The following RINL variants were observed in gnomAD, a reference collection of about 807,000 sequenced individuals.
The protein encoded by RINL is ras and Rab interactor-like protein.
A neutral mutation model predicts 58.1 loss-of-function variants in RINL; 39 were observed. The observed-to-expected ratio is 0.67, with a 90% confidence interval of 0.52 to 0.88. RINL has a LOEUF of 0.88. Among genes scored for constraint, RINL ranks in the 40% least tolerant of loss-of-function variants. RINL has a pLI of 0.00. For synonymous variants in RINL, 286 were observed against 323.1 expected, an observed-to-expected ratio of 0.89 and a Z score of 1.23; for missense variants, 711 against 749.2, an observed-to-expected ratio of 0.95 and a Z score of 0.60.
Position 38,869,968 on chromosome 19 carries a change from C to T in RINL, c.1317G>A (p.Ala439=), listed in dbSNP as rs1032794274. ...CTTGGTTCTCGCCTCGAGCCAGGCCCGCATAGACATCTCTGCACACCTCCA... is the reference window on the plus strand; with the variant it reads ...CTTGGTTCTCGCCTCGAGCCAGGCCTGCATAGACATCTCTGCACACCTCCA... ...LLLEVCRDVY[A]GLARGENQDP... The change falls in exon 9 of 12, where the codon GCG becomes GCA. Residue 439 remains alanine (A), a synonymous_variant. Coordinates refer to ENST00000591812, the MANE Select transcript of RINL (RefSeq NM_001195833.2). The surrounding 1 kb of genome is among the most constrained non-coding windows in gnomAD (Gnocchi z 5.7). 4 of 1,599,976 alleles carry T rather than the reference C, an allele frequency of 2.5e-6. No individual in the cohort carries two copies. In the African/African-American group the frequency reaches 4.0e-5, roughly 16 times the overall value.
At chr19:38,874,173 C>T (rs1972870952) in intron 3 of RINL, among the ~76,000 whole-genome samples, 185 bp from the exon 4 acceptor site, 1 of 152,206 alleles carries the variant, frequency 6.6e-6, no homozygotes, top group Non-Finnish European at 1.5e-5. Flanking sequence ...CGGGGTGGGC[C>T]CATGACCTGA....
At chr19:38,876,276 C>T in intron 3 of RINL, 55 bp downstream of exon 3, 1 of 1,483,044 alleles carries the variant, frequency 6.7e-7, no homozygotes, top group Non-Finnish European at 9.0e-7. Flanking sequence ...TCACTAGTAA[C>T]CAGCAGAGTC....
chr19:38,870,314 AC>A lies in RINL; in HGVS notation c.1025-55del. On this transcript the variant is annotated intron_variant, in intron 8 of 11. Transcript: ENST00000591812. This position sits in a 1 kb window ranked among gnomAD's most constrained non-coding sequence, Gnocchi z 5.8. ...AGGACCGCCAAGTTGTCCCACGCCC[AC>A]CCACGCGCTCCAACAACCCACCCTG... 2 of 1,323,324 alleles carry A rather than the reference AC, an allele frequency of 1.5e-6. No individual in the cohort carries two copies. The highest frequency in any genetic ancestry group is 2.0e-6 in the Non-Finnish European group (2 of 1,017,292). 82.0% of individuals were successfully genotyped at this position (1,323,324 alleles called of 1,614,324 possible).
At position 38,871,881 on chromosome 19, in the gene RINL, G is replaced by A. The variant is rs779972133; in HGVS notation, c.314-11C>T. The A allele has an allele frequency of 1.2e-6, 2 of 1,611,506 alleles. No homozygotes were observed. Among genetic ancestry groups the A allele is most frequent in the South Asian group, 1.1e-5 (1 of 90,982 alleles). On this transcript the variant is annotated splice_polypyrimidine_tract_variant and intron_variant, in intron 4 of 11. Transcript: ENST00000591812. ...ATTCCAGGGACACACCTGTGGTGGG[G>A]GGAGGAAGAAGGAGAAAGTAAACTT...
rs551555322 is a variant in RINL at position 38,876,417 on chromosome 19, G to A, written c.124C>T (p.Arg42Cys). ...GVLSTLEPLT[R>C]LQRTWGVWHV... Reference sequence around the variant, plus strand: ...CACACCCCCCATGTCCTCTGCAGGCGAGTAAGTGGCTCTAGGGTGCTGAGG... The same window carrying A: ...CACACCCCCCATGTCCTCTGCAGGCAAGTAAGTGGCTCTAGGGTGCTGAGG... Residue 42 changes from arginine (R) to cysteine (C), a missense_variant, in exon 3 of 12, where the codon CGC becomes TGC. Coordinates refer to ENST00000591812, the MANE Select transcript of RINL (RefSeq NM_001195833.2). The A allele has an allele frequency of 7.8e-6, 12 of 1,536,108 alleles. No individual in the cohort carries two copies. Among genetic ancestry groups the A allele is most frequent in the Middle Eastern group, 1.7e-4 (1 of 5,990 alleles).
chr19:38,869,849 C>A lies in RINL; in HGVS notation c.1342+94G>T. 1 of 1,520,022 alleles carries A rather than the reference C, an allele frequency of 6.6e-7. No individual in the cohort carries two copies. The highest frequency in any genetic ancestry group is 8.9e-7 in the Non-Finnish European group (1 of 1,129,392). 94.2% of individuals were successfully genotyped at this position (1,520,022 alleles called of 1,614,324 possible). A position where few individuals can be genotyped will look rare whatever the true frequency, so the allele number is the denominator to read the frequency against. ...GCGCCTCCTACCAGAATCTTCAGGA[C>A]CGCATAGATTCCTCCCACCAGTGCT... On this transcript the variant is annotated intron_variant, in intron 9 of 11. Transcript: ENST00000591812. The surrounding 1 kb of genome is among the most constrained non-coding windows in gnomAD (Gnocchi z 5.7).
chr19:38,869,799 C>T lies in RINL; in HGVS notation c.1343-95G>A. ...TCCCCAGGACCACGAGGGCTGGCTG[C>T]CCCTCCACCTTGTCGGGCATGACAG... On this transcript the variant is annotated intron_variant, in intron 9 of 11. Transcript: ENST00000591812. The surrounding 1 kb of genome is among the most constrained non-coding windows in gnomAD (Gnocchi z 5.7). The T allele has an allele frequency of 1.9e-6, 3 of 1,568,542 alleles. No individual in the cohort carries two copies. Among genetic ancestry groups the T allele is most frequent in the Non-Finnish European group, 2.6e-6 (3 of 1,152,430 alleles).
chr19:38,873,082 A>G (rs1404587978), intron 4 of RINL, among the ~76,000 whole-genome samples: 1 of 151,906 alleles, frequency 6.6e-6, no homozygotes, highest in East Asian at 1.9e-4. Context: ...AAAAAGAAAA[A>G]GAAAGTGACC....
chr19:38,871,301 G>T, intron 6 of RINL, 74 bp from the exon 7 acceptor site: 1 of 1,530,140 alleles, frequency 6.5e-7, no homozygotes, highest in Non-Finnish European at 9.0e-7. Flanking sequence ...GGCGCCAGGA[G>T]ACTTACTTCC....
chr19:38,869,818 A>G lies in RINL; in HGVS notation c.1343-114T>C. 1 of 1,547,634 alleles carries G rather than the reference A, an allele frequency of 6.5e-7. No homozygotes were observed. The highest frequency in any genetic ancestry group is 8.8e-7 in the Non-Finnish European group (1 of 1,142,164). On this transcript the variant is annotated intron_variant, in intron 9 of 11. Transcript: ENST00000591812. This position sits in a 1 kb window ranked among gnomAD's most constrained non-coding sequence, Gnocchi z 5.7. ...TGGCTGCCCCTCCACCTTGTCGGGC[A>G]TGACAGCGCCTCCTACCAGAATCTT...
chr19:38,876,787 A>T lies in RINL; in HGVS notation c.-39-6T>A. On this transcript the variant is annotated splice_polypyrimidine_tract_variant and splice_region_variant and intron_variant, in intron 1 of 11. Transcript: ENST00000591812. Reference sequence around the variant, plus strand: ...AGTGAGTCATGACCTGGCCTCTGGCAGGGAGAAAGGTAAGACTCAAAGCTG... The same window carrying T: ...AGTGAGTCATGACCTGGCCTCTGGCTGGGAGAAAGGTAAGACTCAAAGCTG... 1 of 1,490,114 alleles carries T rather than the reference A, an allele frequency of 6.7e-7. No individual in the cohort carries two copies. The highest frequency in any genetic ancestry group is 1.2e-5 in the South Asian group (1 of 83,078). 92.3% of individuals were successfully genotyped at this position (1,490,114 alleles called of 1,614,324 possible). A position where few individuals can be genotyped will look rare whatever the true frequency, so the allele number is the denominator to read the frequency against.
chr19:38,871,664 G>A lies in RINL; in HGVS notation c.434C>T (p.Pro145Leu). The A allele has an allele frequency of 6.2e-7, 1 of 1,614,012 alleles. No individual in the cohort carries two copies. Among genetic ancestry groups the A allele is most frequent in the South Asian group, 1.1e-5 (1 of 91,080 alleles). ...TGCCTCACCTGTGTGTTCATCTCTG[G>A]GCCCTAGAGTGGGAGGGGGCAAGAG... ...TLLLPPPTLG[P>L]RDEHTDPVQI... The change falls in exon 6 of 12, where the codon CCC (proline) becomes CTC (leucine). Residue 145 changes from proline to leucine, a missense_variant. Coordinates refer to ENST00000591812, the MANE Select transcript of RINL (RefSeq NM_001195833.2).
At position 38,873,133 on chromosome 19, in the gene RINL, A is replaced by G. The variant is rs1485488012; in HGVS notation, c.313+753T>C. Among the ~76,000 whole-genome samples, 2 of 152,164 alleles carry G rather than the reference A, an allele frequency of 1.3e-5. 1 individual carries two copies. The highest frequency in any genetic ancestry group is 1.3e-4 in the Admixed American group (2 of 15,250). Reference sequence around the variant, plus strand: ...AACTATGATGGTCAAGAAAGGTTACATTTCTGCAGAGGCCTGGAGGATGGA... The same window carrying G: ...AACTATGATGGTCAAGAAAGGTTACGTTTCTGCAGAGGCCTGGAGGATGGA... On this transcript the variant is annotated intron_variant, in intron 4 of 11. Coordinates refer to ENST00000591812, the MANE Select transcript of RINL (RefSeq NM_001195833.2).
chr19:38,876,083 A>T (rs1340835067), intron 3 of RINL, among the ~76,000 whole-genome samples: 1 of 143,258 alleles, frequency 7.0e-6, no homozygotes, highest in Non-Finnish European at 1.5e-5. Flanking sequence ...TTTTTTAGAC[A>T]GGGTCTTGCT....
chr19:38,870,786 G>A lies in RINL; in HGVS notation c.808C>T (p.Arg270Trp), dbSNP rs1308476353. Residue 270 changes from arginine (R) to tryptophan (W), a missense_variant, in exon 8 of 12, where the codon CGG becomes TGG. By Grantham distance (101) the Arg-to-Trp change is moderately radical. Coordinates refer to ENST00000591812, the MANE Select transcript of RINL (RefSeq NM_001195833.2). This position sits in a 1 kb window ranked among gnomAD's most constrained non-coding sequence, Gnocchi z 5.8. ...TIHVQSLVRA[R>W]SSYVARQYRS... ...TACTGCCTGGCCACGTAGCTGCTCC[G>A]GGCCCTGACCAGAGACTGGACGTGA... 1.9e-6 allele frequency: 3 copies of A among 1,612,642 alleles called. No homozygotes were observed. Among genetic ancestry groups the A allele is most frequent in the African/African-American group, 1.3e-5 (1 of 75,044 alleles).
Position 38,870,333 on chromosome 19 carries a change from C to T in RINL, c.1025-73G>A. On this transcript the variant is annotated intron_variant, in intron 8 of 11. Coordinates refer to ENST00000591812, the MANE Select transcript of RINL (RefSeq NM_001195833.2). The surrounding 1 kb of genome is among the most constrained non-coding windows in gnomAD (Gnocchi z 5.8). ...ACGCCCACCCACGCGCTCCAACAAC[C>T]CACCCTGGCCCACAGCCACCCCTGC... is the stretch of plus-strand genomic sequence containing the variant. The T allele has an allele frequency of 8.4e-7, 1 of 1,187,570 alleles. No homozygotes were observed. Among genetic ancestry groups the T allele is most frequent in the Non-Finnish European group, 1.1e-6 (1 of 893,568 alleles). 73.6% of individuals were successfully genotyped at this position (1,187,570 alleles called of 1,614,324 possible).
chr19:38,876,631 G>T, intron 2 of RINL, 62 bp downstream of exon 2: 1 of 1,480,832 alleles, frequency 6.8e-7, no homozygotes, highest in Non-Finnish European at 9.1e-7. Flanking sequence ...GGGAGGTATT[G>T]GATGGAAAGG....
At chr19:38,873,642 C>T (rs1972858092) in intron 4 of RINL, 6 of 361,360 alleles carry the variant, frequency 1.7e-5, no homozygotes, top group Non-Finnish European at 2.6e-5. Flanking sequence ...TCTCGTGCCT[C>T]GGCCTGCCAA....
Position 38,871,809 on chromosome 19 carries a change from T to C in RINL, c.375A>G (p.Leu125=), listed in dbSNP as rs573040781. ...MPDLPHLLAF[L]SASRDVLPRT... is the part of the protein sequence containing the mutation. ...TGGGTGACCTGTACCTGCTGGCTGA[T>C]AGAAAGGCCAGGAGATGGGGCAGGT... The change falls in exon 5 of 12, where the codon CTA becomes CTG. Residue 125 remains leucine, a synonymous_variant. Coordinates refer to ENST00000591812, the MANE Select transcript of RINL (RefSeq NM_001195833.2). The C allele has an allele frequency of 3.7e-6, 6 of 1,614,056 alleles. No individual in the cohort carries two copies. The African/African-American group carries it at 4.0e-5, about 11-fold the overall frequency.
Sources: gnomAD v4.1 joint callset for allele counts (sites outside exome capture counted in the v4.1 genomes callset) on GRCh38, gnomAD v4.1.1 for gene constraint, Gnocchi (gnomAD v3.1) non-coding constraint, MANE v1.5 for transcripts, NCBI Gene and HGNC (gene_info 2026-07-23, HGNC 2026-07-21) for gene names.